Variants in GCNT1 observed in about 807,000 individuals in gnomAD.
GCNT1 encodes glucosaminyl (N-acetyl) transferase 1, also known as beta-1,3-galactosyl-O-glycosyl-glycoprotein beta-1,6-N-acetylglucosaminyltransferase.
Under a neutral mutation model 26.2 loss-of-function variants are expected in GCNT1, and 16 were observed. The ratio of observed to expected loss-of-function variants is 0.61; its 90% confidence interval spans 0.41 to 0.93. The LOEUF (loss-of-function observed/expected upper bound fraction) is 0.93. GCNT1 is among the 40% of genes least tolerant of loss of function. The probability of loss-of-function intolerance (pLI) is 0.00; values close to 1 mark genes in which losing one functional copy is unlikely to be tolerated. For missense variants in GCNT1, 477 were observed against 526.7 expected (o/e 0.91, Z 0.92); for synonymous variants, 183 against 190.8 (o/e 0.96, Z 0.34).
At position 76,432,844 on chromosome 9, in the gene GCNT1, C is replaced by T. The variant is rs138732459; in HGVS notation, n.38+12957C>T. 2.6e-3 allele frequency among the ~76,000 whole-genome samples: 400 copies of T among 152,262 alleles called. 1 individual carries two copies. The highest frequency in any genetic ancestry group is 9.3e-3 in the African/African-American group (387 of 41,564). ...CATGCTTTCCTTTGATTGATCCTCA[C>T]CCTTCACCTATTTTATATATACCTT... On this transcript the variant is annotated intron_variant and non_coding_transcript_variant, in intron 1 of 3. Coordinates refer to the GCNT1 transcript ENST00000488136.
chr9:76,493,283 G>A (rs664013), intron 2 of GCNT1, among the ~76,000 whole-genome samples: 114 of 152,022 alleles, frequency 7.5e-4, no homozygotes, highest in Admixed American at 1.6e-3. Context: ...TGTCCCTTTC[G>A]TCAGCTGTCA....
intron 1 of GCNT1, among the ~76,000 whole-genome samples, chr9:76,436,148 C>T (rs896360626): frequency 3.3e-5 from 5 of 151,620 alleles, no homozygotes; most frequent in African/African-American, 1.2e-4. Flanking sequence ...TATGGGGTTT[C>T]ACCATGTTGC....
the GCNT1 span, among the ~76,000 whole-genome samples, chr9:76,395,447 C>CT: frequency 2.0e-5 from 3 of 152,064 alleles, no homozygotes; most frequent in Non-Finnish European, 4.4e-5. Flanking sequence ...CTAGGCCAGG[C>CT]TTGGTGGCTC....
upstream of GCNT1, among the ~76,000 whole-genome samples, chr9:76,455,894 T>G (rs1299261598): frequency 6.6e-6 from 1 of 152,252 alleles, no homozygotes; most frequent in Non-Finnish European, 1.5e-5. Context: ...TAAGCCACCA[T>G]GCCCTGCCTC....
chr9:76,414,913 C>T (rs1823119735), upstream of GCNT1, among the ~76,000 whole-genome samples: 1 of 152,126 alleles, frequency 6.6e-6, no homozygotes, highest in African/African-American at 2.4e-5. Context: ...AATAAGAATG[C>T]CTAACCTCCT....
the GCNT1 span, among the ~76,000 whole-genome samples, chr9:76,394,911 C>T: frequency 6.6e-6 from 1 of 152,210 alleles, no homozygotes; most frequent in Non-Finnish European, 1.5e-5. Context: ...AGAGGCTTTT[C>T]CTGGCCGCCC....
At chr9:76,415,754 A>G (rs186696196), upstream of GCNT1, among the ~76,000 whole-genome samples, 106 of 152,322 alleles carry the variant, frequency 7.0e-4, no homozygotes, top group Non-Finnish European at 9.8e-4. Flanking sequence ...GTTATTGACA[A>G]CTAATTACAC....
At chr9:76,500,392 G>A (rs1321210223) in intron 2 of GCNT1, among the ~76,000 whole-genome samples, 1 of 152,148 alleles carries the variant, frequency 6.6e-6, no homozygotes, top group Non-Finnish European at 1.5e-5. Context: ...ATTACTTAAA[G>A]GCATACTTTT....
At chr9:76,429,427 G>A (rs71509878) in intron 1 of GCNT1, among the ~76,000 whole-genome samples, 4,724 of 152,258 alleles carry the variant, frequency 0.031, 98 homozygotes, top group Non-Finnish European at 0.048. Flanking sequence ...CTCCCATTGT[G>A]TATCAAGTAG....
At chr9:76,428,227 C>G (rs551295008) in intron 1 of GCNT1, among the ~76,000 whole-genome samples, 73 of 128,336 alleles carry the variant, frequency 5.7e-4, no homozygotes, top group African/African-American at 2.0e-3. Flanking sequence ...GATCGTGCTA[C>G]TGCACTCCGG....
At chr9:76,398,653 G>T in the GCNT1 span, 7 of 987,196 alleles carry the variant, frequency 7.1e-6, no homozygotes, top group African/African-American at 8.0e-5. Context: ...GGGCCCATAC[G>T]GCGTTGTTCT....
At chr9:76,402,446 T>C in the GCNT1 span, among the ~76,000 whole-genome samples, 417 of 152,312 alleles carry the variant, frequency 2.7e-3, 1 homozygote, top group Middle Eastern at 6.8e-3. Context: ...AGCACACAAA[T>C]TGTAAATTAC....
At chr9:76,408,496 C>T in the GCNT1 span, among the ~76,000 whole-genome samples, 1 of 151,802 alleles carries the variant, frequency 6.6e-6, no homozygotes, top group Non-Finnish European at 1.5e-5. Context: ...TTTTTTCTTG[C>T]AGCCTCAGTT....
chr9:76,446,717 AAAAGAAC>A (rs576782066), intron 1 of GCNT1, among the ~76,000 whole-genome samples: 26 of 152,332 alleles, frequency 1.7e-4, no homozygotes, highest in African/African-American at 6.3e-4. Flanking sequence ...ATAGACACTG[AAAAGAAC>A]AAAGAGGCTT....
At chr9:76,400,421 C>G in the GCNT1 span, among the ~76,000 whole-genome samples, 23 of 152,150 alleles carry the variant, frequency 1.5e-4, no homozygotes, top group Admixed American at 6.5e-5. Context: ...TTCTCCCAGC[C>G]TTAGATTTGA....
intron 2 of GCNT1, among the ~76,000 whole-genome samples, chr9:76,492,066 T>A (rs138074188): frequency 6.6e-6 from 1 of 152,334 alleles, no homozygotes; most frequent in East Asian, 1.9e-4. Context: ...GGTATGCCAC[T>A]GGTTGTGGGG....
chr9:76,425,317 G>A (rs2131573519), intron 1 of GCNT1, among the ~76,000 whole-genome samples: 1 of 151,948 alleles, frequency 6.6e-6, no homozygotes, highest in Non-Finnish European at 1.5e-5. Flanking sequence ...CCGCCTCTCA[G>A]GTTCAAGTGA....
chr9:76,395,295 TAATC>T, the GCNT1 span, among the ~76,000 whole-genome samples: 4 of 152,242 alleles, frequency 2.6e-5, no homozygotes, highest in African/African-American at 9.6e-5. Flanking sequence ...TTTAAATTTT[TAATC>T]AATGGAATCC....
chr9:76,436,818 G>C (rs956305240), upstream of GCNT1, among the ~76,000 whole-genome samples: 1 of 152,112 alleles, frequency 6.6e-6, no homozygotes, highest in Non-Finnish European at 1.5e-5. Context: ...GATAGCACCA[G>C]GCTTAGTTCA....
Sources: gnomAD v4.1 joint callset for allele counts (sites outside exome capture counted in the v4.1 genomes callset) on GRCh38, gnomAD v4.1.1 for gene constraint, MANE v1.5 for transcripts, NCBI Gene and HGNC (gene_info 2026-07-23, HGNC 2026-07-21) for gene names.